Variants in AXDND1 observed in about 807,000 individuals in gnomAD.
The protein encoded by AXDND1 is axonemal dynein light chain domain-containing protein 1.
Under a neutral mutation model 137.5 loss-of-function variants are expected in AXDND1, and 110 were observed. The ratio of observed to expected loss-of-function variants is 0.80; its 90% CI spans 0.69 to 0.94. The LOEUF is 0.94. Among genes scored for constraint, AXDND1 ranks in the 40% least tolerant of loss-of-function variants. The pLI is 0.00. For missense variants in AXDND1, 1,191 were observed against 1,169.8 expected, an observed-to-expected ratio of 1.02 and a Z score of -0.26; for synonymous variants, 414 against 399.7, an observed-to-expected ratio of 1.04 and a Z score of -0.43.
intron 10 of AXDND1, among the ~76,000 whole-genome samples, chr1:179,394,338 C>T (rs1397920648): frequency 6.6e-6 from 1 of 152,134 alleles, no homozygotes; most frequent in African/African-American, 2.4e-5. Context: ...CCTGTAATCC[C>T]AGCACTTTGG....
At chr1:179,484,117 A>G (rs1230545350) in intron 18 of AXDND1, among the ~76,000 whole-genome samples, 1 of 152,170 alleles carries the variant, frequency 6.6e-6, no homozygotes, top group Non-Finnish European at 1.5e-5. Flanking sequence ...ACTCTTGGGG[A>G]AAAAGTGAGC....
At chr1:179,503,174 G>A (rs922431208) in intron 20 of AXDND1, among the ~76,000 whole-genome samples, 3 of 151,564 alleles carry the variant, frequency 2.0e-5, no homozygotes, top group Non-Finnish European at 2.9e-5. Flanking sequence ...TCCATAAATA[G>A]TAGAATAAAT....
chr1:179,526,358 A>G (rs573898910), intron 22 of AXDND1, among the ~76,000 whole-genome samples: 2 of 152,304 alleles, frequency 1.3e-5, no homozygotes, highest in East Asian at 3.9e-4. Flanking sequence ...CACAACTTCA[A>G]GGTTTATATT....
chr1:179,481,417 T>C (rs1665363763), intron 17 of AXDND1, among the ~76,000 whole-genome samples: 1 of 152,234 alleles, frequency 6.6e-6, no homozygotes, highest in Non-Finnish European at 1.5e-5. Context: ...AAGTCTTTGC[T>C]ATTGTGAATA....
At chr1:179,413,182 C>T (rs532472704) in intron 12 of AXDND1, among the ~76,000 whole-genome samples, 1 of 133,768 alleles carries the variant, frequency 7.5e-6, no homozygotes, top group African/African-American at 2.6e-5. Context: ...CTCGTGATAC[C>T]CTCATGACAA....
At chr1:179,448,446 G>T in intron 16 of AXDND1, 2 of 526,450 alleles carry the variant, frequency 3.8e-6, no homozygotes, top group Non-Finnish European at 7.0e-6. Flanking sequence ...ACCATTTTCA[G>T]CCACCTTTCC....
chr1:179,441,109 A>C (rs564927336), intron 15 of AXDND1, among the ~76,000 whole-genome samples: 1 of 152,220 alleles, frequency 6.6e-6, no homozygotes, highest in South Asian at 2.1e-4. Context: ...GAATACTCTT[A>C]CTGTGTGTGG....
chr1:179,430,535 A>G lies in AXDND1; in HGVS notation c.1416A>G (p.Gln472=), dbSNP rs780210909. 1 of 1,614,106 alleles carries G rather than the reference A, an allele frequency of 6.2e-7. No homozygotes were observed. Among genetic ancestry groups the G allele is most frequent in the South Asian group, 1.1e-5 (1 of 91,076 alleles). The change falls in exon 14 of 26, where the codon CAA becomes CAG. Residue 472 remains glutamine (Q), a synonymous_variant. Coordinates refer to ENST00000367618, the MANE Select transcript of AXDND1 (RefSeq NM_144696.6). ...ATAAACTTAAACAAGAGGTAGAACA[A>G]ATGGAAGAGTCTACAAGCGAGACAC... ...LVNKLKQEVE[Q]MEESTSETLK... is the part of the protein sequence containing the mutation.
rs573294473 is a variant in AXDND1, at chr1:179,386,595, A to T, written c.863+1236A>T. Among the ~76,000 whole-genome samples the T allele has an allele frequency of 1.9e-3, 284 of 152,210 alleles. 1 individual carries two copies. Among genetic ancestry groups the T allele is most frequent in the Middle Eastern group, 3.4e-3 (1 of 294 alleles). ...ACTGAAGTTGTCCCACAGATCACTA[A>T]TGTTATACACATTTTTGCTCTTTTC... On this transcript the variant is annotated intron_variant, in intron 9 of 25. Transcript: ENST00000367618.
At chr1:179,493,747 G>A (rs1174749369) in intron 20 of AXDND1, among the ~76,000 whole-genome samples, 1 of 152,172 alleles carries the variant, frequency 6.6e-6, no homozygotes, top group African/African-American at 2.4e-5. Flanking sequence ...AAAGATAAAT[G>A]TTTGAGGTGA....
rs193155920 is a variant in AXDND1 at position 179,402,757 on chromosome 1, C to T, written c.1109+7555C>T. ...TGGTCCCTTTTCTCTGCTCTCCTTA[C>T]AGGAAATCTCTACAGAAAGTTGTCA... On this transcript the variant is annotated intron_variant, in intron 11 of 25. Coordinates refer to ENST00000367618, the MANE Select transcript of AXDND1 (RefSeq NM_144696.6). Among the ~76,000 whole-genome samples the T allele has an allele frequency of 1.1e-4, 17 of 152,288 alleles. No homozygotes were observed. The East Asian group carries it at 2.9e-3, about 26-fold the overall frequency.
At chr1:179,551,318 G>A in intron 25 of AXDND1, 1 of 1,614,176 alleles carries the variant, frequency 6.2e-7, no homozygotes, top group East Asian at 2.2e-5. Flanking sequence ...AACCACAGTG[G>A]AAGGCTTCTC....
At chr1:179,486,747 G>A (rs1666129867) in intron 18 of AXDND1, among the ~76,000 whole-genome samples, 1 of 148,846 alleles carries the variant, frequency 6.7e-6, no homozygotes, top group Non-Finnish European at 1.5e-5. Flanking sequence ...AAGCAAAGGA[G>A]AAATGAGATC....
rs777338935 is a variant in AXDND1, at chr1:179,533,900, G to GT, written c.2798+24dup. 12 of 1,597,036 alleles carry GT rather than the reference G, an allele frequency of 7.5e-6. No homozygotes were observed. The South Asian group carries it at 1.2e-4, about 16-fold the overall frequency. ...ACTGTAAGTATGAGTCAACACAATG[G>GT]TAAGAGGATGAAAATGGCTGGCCAG... is the stretch of plus-strand genomic sequence containing the variant. On this transcript the variant is annotated intron_variant, in intron 24 of 25. Transcript: ENST00000367618.
chr1:179,532,978 A>T (rs1427937942), intron 23 of AXDND1: 1 of 152,110 alleles, frequency 6.6e-6, no homozygotes, highest in Non-Finnish European at 1.5e-5. Context: ...AGAAAAAGGT[A>T]TAGTGGTATG....
chr1:179,472,237 C>A (rs72721214), intron 17 of AXDND1, among the ~76,000 whole-genome samples: 9,564 of 152,192 alleles, frequency 0.063, 356 homozygotes, highest in African/African-American at 0.071. Flanking sequence ...TTTATGATTT[C>A]TCTTGTGATT....
chr1:179,526,912 A>G (rs1199092191), intron 22 of AXDND1, among the ~76,000 whole-genome samples: 1 of 152,206 alleles, frequency 6.6e-6, no homozygotes, highest in Non-Finnish European at 1.5e-5. Context: ...AGTTAATGGA[A>G]AAAGGCATTC....
chr1:179,535,327 A>G (rs926996038), intron 25 of AXDND1, among the ~76,000 whole-genome samples: 2 of 152,026 alleles, frequency 1.3e-5, no homozygotes, highest in Non-Finnish European at 2.9e-5. Context: ...GCACCCATCA[A>G]CTCATCATTT....
At position 179,551,490 on chromosome 1, in the gene AXDND1, A is replaced by G; in HGVS notation, c.3032-3022A>G. The G allele has an allele frequency of 1.9e-6, 3 of 1,611,398 alleles. No individual in the cohort carries two copies. The South Asian group carries it at 3.3e-5, about 18-fold the overall frequency. ...GACGAAAGCAAAGTGATTGTTCTTC[A>G]TTCCCTGAAGGCTTCACCACTATGC... On this transcript the variant is annotated intron_variant, in intron 25 of 25. Coordinates refer to ENST00000367618, the MANE Select transcript of AXDND1 (RefSeq NM_144696.6).
Sources: gnomAD v4.1 joint callset for allele counts (sites outside exome capture counted in the v4.1 genomes callset) on GRCh38, gnomAD v4.1.1 for gene constraint, MANE v1.5 for transcripts, NCBI Gene and HGNC (gene_info 2026-07-23, HGNC 2026-07-21) for gene names.